Variants in CAPN12 observed in about 807,000 individuals in gnomAD.
The protein encoded by CAPN12 is calpain-12.
CAPN12 carries 107 observed loss-of-function variants against 95.0 expected under a neutral mutation model. The observed-to-expected ratio is 1.13, with a 90% CI of 0.96 to 1.32. The LOEUF (loss-of-function observed/expected upper bound fraction) is 1.32. Among genes scored for constraint, CAPN12 ranks in the 40% most tolerant of loss-of-function variants. CAPN12 has a pLI of 0.00. For missense variants in CAPN12, 1,136 were observed against 997.8 expected, an observed-to-expected ratio of 1.14 and a Z score of -1.87; for synonymous variants, 505 against 415.5, an observed-to-expected ratio of 1.22 and a Z score of -2.62.
At position 38,737,221 on chromosome 19, in the gene CAPN12, G is replaced by T; in HGVS notation, c.1297C>A (p.Arg433Ser). The T allele has an allele frequency of 6.4e-7, 1 of 1,550,886 alleles. No individual in the cohort carries two copies. The highest frequency in any genetic ancestry group is 8.7e-7 in the Non-Finnish European group (1 of 1,148,388). ...KCTVLLSLIQ[R>S]NRRRLRAKGL... ...TTGGCTCTCAGGCGCCGCCGGTTGC[G>T]CTGGATGAGGGACAGAAGGACCGTG... Residue 433 changes from arginine (R) to serine (S), a missense_variant, in exon 10 of 21, where the codon CGC (arginine) becomes AGC (serine). Physicochemically the swap from Arg to Ser is moderately radical, Grantham distance 110. Transcript: ENST00000328867.
chr19:38,732,015 G>A (rs1264591081), intron 18 of CAPN12, among the ~76,000 whole-genome samples: 1 of 152,270 alleles, frequency 6.6e-6, no homozygotes, highest in Admixed American at 6.5e-5. Flanking sequence ...CCAGGGCTAT[G>A]GGGAAACCCA....
chr19:38,741,850 C>T lies in CAPN12; in HGVS notation c.487G>A (p.Gly163Arg), dbSNP rs147091097. 72 of 1,614,110 alleles carry T rather than the reference C, an allele frequency of 4.5e-5. No homozygotes were observed. The African/African-American group carries it at 7.6e-4, about 17-fold the overall frequency. ...TCCGAGCGCACGAACATCAGCTTCC[C>T]CTCACGCACGGGCAGCCTGTCATCC... ...VVDDRLPVREGKLMFVRSEQR... is the reference protein window; with the variant it reads ...VVDDRLPVRERKLMFVRSEQR... Residue 163 changes from glycine (G) to arginine (R), a missense_variant, in exon 4 of 21, where the codon GGG becomes AGG. Physicochemically the swap from Gly to Arg is moderately radical, Grantham distance 125. Transcript: ENST00000328867.
Position 38,737,657 on chromosome 19 carries a change from AG to A in CAPN12, c.966-20del. 6.4e-7 allele frequency: 1 copy of A among 1,553,182 alleles called. No homozygotes were observed. The highest frequency in any genetic ancestry group is 8.7e-7 in the Non-Finnish European group (1 of 1,147,770). On this transcript the variant is annotated intron_variant, in intron 8 of 20. Transcript: ENST00000328867. ...CTCCATCCTGCACGGTGGCCCAGTC[AG>A]ACCCTGCCCGGCCCCACCTCGAGGG...
intron 18 of CAPN12, chr19:38,731,574 G>C: frequency 2.9e-6 from 1 of 342,096 alleles, no homozygotes; most frequent in Non-Finnish European, 5.6e-6. Flanking sequence ...AAAAAATATA[G>C]TCAATCCCAT....
Position 38,737,502 on chromosome 19 carries a change from T to C in CAPN12, c.1102A>G (p.Asn368Asp), listed in dbSNP as rs1970282020. The C allele has an allele frequency of 6.2e-7, 1 of 1,612,668 alleles. No individual in the cohort carries two copies. Among genetic ancestry groups the C allele is most frequent in the East Asian group, 2.2e-5 (1 of 44,854 alleles). The change falls in exon 9 of 21, where the codon AAC (asparagine) becomes GAC (aspartate). Residue 368 changes from asparagine (N) to aspartate (D), a missense_variant. Physicochemically the swap from Asn to Asp is conservative, Grantham distance 23. Transcript: ENST00000328867. ...GCATTAGGCTGGCTCCCGCCGGAGT[T>C]GAAGCCACGCACCCAGCGGCCTTGG... is the stretch of plus-strand genomic sequence containing the variant. ...TFQGRWVRGF[N>D]SGGSQPNAET...
chr19:38,733,747 C>G lies in CAPN12; in HGVS notation c.1913G>C (p.Gly638Ala). The change falls in exon 18 of 21, where the codon GGA becomes GCA. Residue 638 changes from glycine (G) to alanine (A), a missense_variant. Physicochemically the swap from Gly to Ala is moderately conservative, Grantham distance 60 (BLOSUM62 0). Coordinates refer to ENST00000328867, the MANE Select transcript of CAPN12 (RefSeq NM_144691.4). The stretch of plus-strand genomic sequence containing the variant: ...CCTCAGCTCGTAGGAGTTCATGGTT[C>G]CAGAGGTGTCCTCATCGAACTTGTT... ...IFNKFDEDTS[G>A]TMNSYELRLA... is the part of the protein sequence containing the mutation. 1.2e-6 allele frequency: 2 copies of G among 1,613,658 alleles called. No individual in the cohort carries two copies. The highest frequency in any genetic ancestry group is 1.7e-6 in the Non-Finnish European group (2 of 1,179,972).
At position 38,743,370 on chromosome 19, in the gene CAPN12, C is replaced by T. The variant is rs571536220; in HGVS notation, c.238-268G>A. Reference sequence around the variant, plus strand: ...TCCCTCAGACCCAGGAGTCCAGGCCCAGCCCCTCCTCCCTCAGACCCAGGA... The same window carrying T: ...TCCCTCAGACCCAGGAGTCCAGGCCTAGCCCCTCCTCCCTCAGACCCAGGA... On this transcript the variant is annotated intron_variant, in intron 1 of 20. Coordinates refer to ENST00000328867, the MANE Select transcript of CAPN12 (RefSeq NM_144691.4). 4.9e-5 allele frequency among the ~76,000 whole-genome samples: 6 copies of T among 123,030 alleles called. No homozygotes were observed. In the East Asian group the frequency reaches 1.1e-3, roughly 23 times the overall value. 80.7% of individuals were successfully genotyped at this position (123,030 alleles called of 152,430 possible). A position where few individuals can be genotyped will look rare whatever the true frequency, so the allele number is the denominator to read the frequency against.
intron 11 of CAPN12, 109 bp from the exon 12 acceptor site, chr19:38,736,427 T>C (rs1474695312): frequency 1.4e-6 from 2 of 1,429,248 alleles, no homozygotes; most frequent in Non-Finnish European, 1.9e-6. Context: ...ACGCCTCCCC[T>C]GCCCCCGGAC....
At chr19:38,742,737 G>C (rs970772198) in intron 2 of CAPN12, among the ~76,000 whole-genome samples, 1 of 151,508 alleles carries the variant, frequency 6.6e-6, no homozygotes, top group African/African-American at 2.4e-5. Flanking sequence ...TGTAGTCCCA[G>C]CTACTTGGGA....
chr19:38,731,976 C>T (rs568116822), intron 18 of CAPN12, among the ~76,000 whole-genome samples: 41 of 152,380 alleles, frequency 2.7e-4, no homozygotes, highest in Admixed American at 1.4e-3. Context: ...TTCATCTGCC[C>T]TCGGGCATAG....
rs777626207 is a variant in CAPN12, at chr19:38,736,157, C to G, written c.1536G>C (p.Glu512Asp). 8.6e-6 allele frequency: 13 copies of G among 1,515,252 alleles called. No homozygotes were observed. Among genetic ancestry groups the G allele is most frequent in the Non-Finnish European group, 1.1e-5 (13 of 1,135,268 alleles). The allele number at this position is 1,515,252 out of a possible 1,614,324, so 93.9% of individuals were successfully genotyped here. The change falls in exon 12 of 21, where the codon GAG (glutamate) becomes GAC (aspartate). Residue 512 changes from glutamate (E) to aspartate (D), a missense_variant. Physicochemically the swap from Glu to Asp is conservative, Grantham distance 45 (BLOSUM62 2). Transcript: ENST00000328867. ...AGAAGACACGCAGAGTGAAGTCAGC[C>G]TCGTCGCCGGCGTGGGCGGTGCTCG... ...VVPSTAHAGD[E>D]ADFTLRVFSE...
At chr19:38,734,010 G>T (rs775670289) in intron 17 of CAPN12, 132 bp downstream of exon 17, 22 of 1,015,586 alleles carry the variant, frequency 2.2e-5, no homozygotes, top group Non-Finnish European at 3.2e-5. Flanking sequence ...GGATATCCCA[G>T]CCAGATCTCT....
At position 38,731,000 on chromosome 19, in the gene CAPN12, C is replaced by T; in HGVS notation, c.2098G>A (p.Gly700Arg). The T allele has an allele frequency of 3.9e-6, 6 of 1,552,092 alleles. No homozygotes were observed. Among genetic ancestry groups the T allele is most frequent in the Non-Finnish European group, 5.2e-6 (6 of 1,147,846 alleles). ...IFCHCSQHLD[G>R]GEGVICLTHR... The stretch of plus-strand genomic sequence containing the variant: ...GTCAGGCAGATGACCCCCTCACCCC[C>T]ATCCAGGTGCTGGCTGCAGTGGCCT... The change falls in exon 20 of 21, where the codon GGG (glycine) becomes AGG (arginine). Residue 700 changes from glycine to arginine, a missense_variant. Gly to Arg is a moderately radical substitution (Grantham distance 125). Transcript: ENST00000328867.
intron 5 of CAPN12, 174 bp downstream of exon 5, chr19:38,739,877 G>A (rs565190930): frequency 9.9e-6 from 6 of 607,594 alleles, no homozygotes; most frequent in African/African-American, 7.5e-5. Context: ...AGCTGTGCCT[G>A]AAGCCCCTGA....
intron 4 of CAPN12, 22 bp from the exon 5 acceptor site, chr19:38,740,241 G>A (rs1222056270): frequency 1.3e-6 from 2 of 1,575,316 alleles, no homozygotes; most frequent in African/African-American, 2.7e-5. Context: ...GATCTGGGGT[G>A]AGGGTTGAGG....
chr19:38,741,015 G>A (rs950289865), intron 4 of CAPN12, among the ~76,000 whole-genome samples: 2 of 152,074 alleles, frequency 1.3e-5, no homozygotes, highest in African/African-American at 4.8e-5. Flanking sequence ...ATGGGGGCTT[G>A]TCAGGAATTT....
intron 10 of CAPN12, chr19:38,736,929 C>T (rs1970222843): frequency 3.2e-6 from 1 of 316,462 alleles, no homozygotes; most frequent in Non-Finnish European, 5.8e-6. Context: ...CCCTACTCCC[C>T]TCCCAGCGCC....
rs142933812 is a variant in CAPN12, at chr19:38,730,711, C to T, written c.*141G>A. ...GAGTACGCAGGCCAGAGTGGTCACC[C>T]GGCCGTGAGCAGTGAGGGCCAGAGA... On this transcript the variant is annotated 3_prime_UTR_variant, in exon 21 of 21. Coordinates refer to ENST00000328867, the MANE Select transcript of CAPN12 (RefSeq NM_144691.4). 4.5e-5 allele frequency: 47 copies of T among 1,041,738 alleles called. No individual in the cohort carries two copies. Among genetic ancestry groups the T allele is most frequent in the African/African-American group, 1.7e-4 (11 of 63,574 alleles). The allele number at this position is 1,041,738 out of a possible 1,614,324, so 64.5% of individuals were successfully genotyped here. A position where few individuals can be genotyped will look rare whatever the true frequency, so the allele number is the denominator to read the frequency against.
rs760063564 is a variant in CAPN12, at chr19:38,740,086, G to T, written c.694C>A (p.Leu232Met). The change falls in exon 5 of 21, where the codon CTG becomes ATG. Residue 232 changes from leucine to methionine, a missense_variant. Physicochemically the swap from Leu to Met is conservative, Grantham distance 15. Coordinates refer to ENST00000328867, the MANE Select transcript of CAPN12 (RefSeq NM_144691.4). ...MGLFSALRHA[L>M]AKESLVGATA... is the part of the protein sequence containing the mutation. ...GCGCCCACGAGGGACTCCTTGGCCAGGGCATGGCGCAGGGCAGAGAACAGC... is the reference window on the plus strand; with the variant it reads ...GCGCCCACGAGGGACTCCTTGGCCATGGCATGGCGCAGGGCAGAGAACAGC... 6.2e-7 allele frequency: 1 copy of T among 1,608,602 alleles called. No homozygotes were observed. The highest frequency in any genetic ancestry group is 1.1e-5 in the South Asian group (1 of 90,624).
Sources: gnomAD v4.1 joint callset for allele counts (sites outside exome capture counted in the v4.1 genomes callset) on GRCh38, gnomAD v4.1.1 for gene constraint, MANE v1.5 for transcripts, NCBI Gene and HGNC (gene_info 2026-07-23, HGNC 2026-07-21) for gene names.